The following IL1RAPL2 variants were observed in gnomAD, a reference collection of about 807,000 sequenced individuals.
IL1RAPL2 encodes the protein interleukin 1 receptor accessory protein like 2, also known as X-linked interleukin-1 receptor accessory protein-like 2.
IL1RAPL2 carries 3 observed loss-of-function variants against 44.1 expected under a neutral mutation model. That is an observed-to-expected ratio of 0.07 (90% CI 0.03 to 0.18). The LOEUF (loss-of-function observed/expected upper bound fraction) is 0.18, where lower values mean the gene tolerates loss of function less well. Ranked by LOEUF, IL1RAPL2 falls within the 10% of genes least tolerant of loss-of-function variation. The pLI is 1.00. For synonymous variants in IL1RAPL2, 181 were observed against 178.8 expected (o/e 1.01, Z -0.10); for missense variants, 391 against 496.4 (o/e 0.79, Z 2.02).
intron 2 of IL1RAPL2, among the ~76,000 whole-genome samples, chrX:104,916,289 C>T (rs1924428027): frequency 3.6e-5 from 4 of 111,565 alleles, no homozygotes; most frequent in Admixed American, 2.9e-4. Flanking sequence ...CTTCCCATCC[C>T]TTGTAAGTTG....
chrX:105,076,847 C>T (rs1483573607), intron 2 of IL1RAPL2, among the ~76,000 whole-genome samples: 1 of 110,860 alleles, frequency 9.0e-6, no homozygotes, highest in Non-Finnish European at 1.9e-5. Flanking sequence ...TCTGTTTTAT[C>T]CGAGACTAGG....
At chrX:104,686,402 A>G (rs1930988961) in intron 2 of IL1RAPL2, among the ~76,000 whole-genome samples, 1 of 112,261 alleles carries the variant, frequency 8.9e-6, no homozygotes, top group Admixed American at 9.4e-5. Context: ...GAAAGCTAAG[A>G]GAAGATACTT....
chrX:105,155,439 A>C (rs182681229), intron 2 of IL1RAPL2, among the ~76,000 whole-genome samples: 1 of 111,186 alleles, frequency 9.0e-6, no homozygotes, highest in East Asian at 2.8e-4. Context: ...AAGTTTGGGG[A>C]TACTTAGTAG....
chrX:104,740,677 C>T (rs143195921), intron 2 of IL1RAPL2, among the ~76,000 whole-genome samples: 4 of 110,872 alleles, frequency 3.6e-5, no homozygotes, highest in East Asian at 2.8e-4. Flanking sequence ...CTCAACTCTA[C>T]GTTTGATTGG....
intron 5 of IL1RAPL2, among the ~76,000 whole-genome samples, chrX:105,389,009 T>C (rs1429883946): frequency 8.9e-6 from 1 of 111,823 alleles, no homozygotes; most frequent in Non-Finnish European, 1.9e-5. Flanking sequence ...GTTTTAATTG[T>C]AATGTATTTT....
rs1245460565 is a variant in IL1RAPL2 at position 105,030,473 on chromosome X, G to A, written c.83-165002G>A. On this transcript the variant is annotated intron_variant, in intron 2 of 10. Transcript: ENST00000372582. ...TCAGCTTTCTATATATGGCTAGCCA[G>A]TTATCCCAGCACCATTTATTAAATA... 3.6e-5 allele frequency among the ~76,000 whole-genome samples: 4 copies of A among 112,043 alleles called. No individual in the cohort carries two copies. In the East Asian group the frequency reaches 8.4e-4, roughly 24 times the overall value.
rs1338882869 is a variant in IL1RAPL2 at position 105,668,965 on chromosome X, C to T, written c.773-48402C>T. Reference sequence around the variant, plus strand: ...AGGAGCATCCATCCATGTCATGGCTCGAGTAAGAGGAGGAAAAGGAATATA... The same window carrying T: ...AGGAGCATCCATCCATGTCATGGCTTGAGTAAGAGGAGGAAAAGGAATATA... On this transcript the variant is annotated intron_variant, in intron 6 of 10. Transcript: ENST00000372582. Among the ~76,000 whole-genome samples the T allele has an allele frequency of 3.6e-5, 4 of 110,822 alleles. No homozygotes were observed. In the East Asian group the frequency reaches 8.5e-4, roughly 24 times the overall value.
chrX:104,634,149 C>T (rs1352379180), intron 1 of IL1RAPL2, among the ~76,000 whole-genome samples: 2 of 111,360 alleles, frequency 1.8e-5, no homozygotes, highest in African/African-American at 3.3e-5. Flanking sequence ...TGTAGTTGAG[C>T]AGTTTTGAGT....
At chrX:105,294,909 G>C (rs2034643292) in intron 5 of IL1RAPL2, among the ~76,000 whole-genome samples, 1 of 111,825 alleles carries the variant, frequency 8.9e-6, no homozygotes, top group East Asian at 2.8e-4. Flanking sequence ...TGTGGGTGTT[G>C]ACATGATTCA....
intron 6 of IL1RAPL2, among the ~76,000 whole-genome samples, chrX:105,492,293 A>G (rs2036325761): frequency 9.0e-6 from 1 of 110,941 alleles, no homozygotes; most frequent in Non-Finnish European, 1.9e-5. Flanking sequence ...ATGGGATTTC[A>G]ACAAGATCTG....
intron 6 of IL1RAPL2, 30 bp downstream of exon 6, chrX:105,484,417 TA>T (rs2036252373): frequency 9.7e-7 from 1 of 1,032,158 alleles, no homozygotes; most frequent in Admixed American, 2.2e-5. Flanking sequence ...TAACACTTCC[TA>T]AACTTGCCCT....
intron 2 of IL1RAPL2, among the ~76,000 whole-genome samples, chrX:104,699,224 TTATTTC>T (rs1485833810): frequency 9.0e-6 from 1 of 111,591 alleles, no homozygotes; most frequent in Non-Finnish European, 1.9e-5. Flanking sequence ...ATCATGTACT[TTATTTC>T]TATTATTATT....
chrX:105,159,986 C>CG (rs1569395071), intron 2 of IL1RAPL2, among the ~76,000 whole-genome samples: 2 of 98,012 alleles, frequency 2.0e-5, no homozygotes, highest in African/African-American at 7.5e-5. Flanking sequence ...TAAAGAACCC[C>CG]CCCCCCCACT....
chrX:105,467,865 T>C (rs756545993), intron 5 of IL1RAPL2, among the ~76,000 whole-genome samples: 1 of 111,750 alleles, frequency 8.9e-6, no homozygotes, highest in African/African-American at 3.2e-5. Context: ...ACTCGCCTTA[T>C]CATCAGAACT....
chrX:105,670,563 T>A (rs2147852703), intron 6 of IL1RAPL2, among the ~76,000 whole-genome samples: 1 of 107,514 alleles, frequency 9.3e-6, no homozygotes, highest in South Asian at 4.1e-4. Flanking sequence ...CCTCCCAAAG[T>A]GCTGGGATTA....
intron 5 of IL1RAPL2, among the ~76,000 whole-genome samples, chrX:105,396,822 CTAATTAGT>C (rs1254804419): frequency 9.1e-6 from 1 of 110,269 alleles, no homozygotes; most frequent in Non-Finnish European, 1.9e-5. Context: ...AGTAAGATAG[CTAATTAGT>C]TATATTAGTT....
intron 1 of IL1RAPL2, among the ~76,000 whole-genome samples, chrX:104,619,650 C>A (rs1364267185): frequency 8.9e-6 from 1 of 112,191 alleles, no homozygotes; most frequent in Non-Finnish European, 1.9e-5. Context: ...AGCCCCTAAT[C>A]CACCATCTTG....
intron 2 of IL1RAPL2, among the ~76,000 whole-genome samples, chrX:104,919,979 C>T (rs1221474318): frequency 9.0e-6 from 1 of 111,186 alleles, no homozygotes; most frequent in Admixed American, 9.5e-5. Flanking sequence ...TCTATTGCCA[C>T]TGAGGCATAA....
chrX:104,805,805 G>A (rs1191904124), intron 2 of IL1RAPL2, among the ~76,000 whole-genome samples: 1 of 111,780 alleles, frequency 8.9e-6, no homozygotes, highest in Non-Finnish European at 1.9e-5. Flanking sequence ...TATGTGGTAG[G>A]TACTATTACA....
Sources: allele counts gnomAD v4.1 joint callset (sites outside exome capture counted in the v4.1 genomes callset), GRCh38; gene constraint gnomAD v4.1.1; transcripts MANE v1.5; gene names NCBI Gene and HGNC (gene_info 2026-07-23, HGNC 2026-07-21).